Variants in NT5C2 observed in about 807,000 individuals in gnomAD.
The protein encoded by NT5C2 is 5'-nucleotidase, cytosolic II.
NT5C2 carries 58 observed loss-of-function variants against 76.1 expected under a neutral mutation model. The ratio of observed to expected loss-of-function variants is 0.76; its 90% CI spans 0.62 to 0.95. The LOEUF (loss-of-function observed/expected upper bound fraction) is 0.95, where lower values mean the gene tolerates loss of function less well. Among genes scored for constraint, NT5C2 ranks in the 40% least tolerant of loss-of-function variants. NT5C2 has a pLI of 0.00. For synonymous variants in NT5C2, 229 were observed against 237.4 expected (o/e 0.96, Z 0.32); for missense variants, 478 against 690.3 (o/e 0.69, Z 3.45).
chr10:103,118,548 T>A (rs187486892), intron 4 of NT5C2, among the ~76,000 whole-genome samples: 5 of 152,054 alleles, frequency 3.3e-5, no homozygotes, highest in African/African-American at 1.2e-4. Flanking sequence ...GAGATGCGGT[T>A]TTGTTATGTT....
chr10:103,192,160 T>C (rs977640679), intron 1 of NT5C2, among the ~76,000 whole-genome samples: 2 of 152,182 alleles, frequency 1.3e-5, no homozygotes, highest in Non-Finnish European at 2.9e-5. Context: ...ATTCTCCCTT[T>C]CACATTATGG....
intron 3 of NT5C2, among the ~76,000 whole-genome samples, chr10:103,148,076 A>G (rs547968268): frequency 2.0e-5 from 3 of 152,346 alleles, no homozygotes; most frequent in African/African-American, 4.8e-5. Flanking sequence ...AATGATATAA[A>G]AAGTATTATA....
At chr10:103,178,316 A>T (rs1196056562) in intron 2 of NT5C2, among the ~76,000 whole-genome samples, 2 of 150,774 alleles carry the variant, frequency 1.3e-5, no homozygotes, top group Non-Finnish European at 3.0e-5. Context: ...GGGAGGCCAA[A>T]GTGGGTGGAT....
rs553940039 is a variant in NT5C2, at chr10:103,136,681, T to C, written c.175+2725A>G. On this transcript the variant is annotated intron_variant, in intron 4 of 18. Transcript: ENST00000404739. The stretch of plus-strand genomic sequence containing the variant: ...ACTCTGTTGCCCAGGCTGGAGTGCA[T>C]TGGCACCATCTCAGCTCACTGCAAC... Among the ~76,000 whole-genome samples, 174 of 151,614 alleles carry C rather than the reference T, an allele frequency of 1.1e-3. 1 individual carries two copies. The South Asian group carries it at 0.022, about 19-fold the overall frequency.
At chr10:103,129,043 G>A (rs1459308417) in intron 4 of NT5C2, among the ~76,000 whole-genome samples, 2 of 115,046 alleles carry the variant, frequency 1.7e-5, no homozygotes, top group African/African-American at 6.5e-5. Context: ...CAGCCCCCCC[G>A]ACCGGCCAGC....
At chr10:103,192,578 C>T (rs2092718138) in intron 1 of NT5C2, among the ~76,000 whole-genome samples, 3 of 152,216 alleles carry the variant, frequency 2.0e-5, no homozygotes, top group Admixed American at 1.3e-4. Context: ...AGGAGCTGTC[C>T]GGATGTTTTT....
At chr10:103,163,295 C>A (rs889901060) in intron 3 of NT5C2, among the ~76,000 whole-genome samples, 1 of 152,148 alleles carries the variant, frequency 6.6e-6, no homozygotes, top group African/African-American at 2.4e-5. Context: ...GGGTAAATAT[C>A]TAGGAGTGGG....
intron 4 of NT5C2, among the ~76,000 whole-genome samples, chr10:103,124,131 C>A (rs984910031): frequency 6.6e-6 from 1 of 152,110 alleles, no homozygotes; most frequent in African/African-American, 2.4e-5. Flanking sequence ...TTAACTATTT[C>A]TTCCTTTCTT....
intron 4 of NT5C2, among the ~76,000 whole-genome samples, chr10:103,122,901 C>A (rs186069878): frequency 1.6e-4 from 24 of 152,296 alleles, no homozygotes; most frequent in Admixed American, 1.5e-3. Context: ...TTTATCAATC[C>A]TGTCATAGAA....
chr10:103,118,366 T>C (rs1479194097), intron 4 of NT5C2, among the ~76,000 whole-genome samples: 1 of 151,286 alleles, frequency 6.6e-6, no homozygotes, highest in African/African-American at 2.4e-5. Flanking sequence ...TTTTCCTTTT[T>C]TTTTTTTTTT....
chr10:103,142,803 T>C (rs912637817), intron 3 of NT5C2, among the ~76,000 whole-genome samples: 13 of 151,724 alleles, frequency 8.6e-5, no homozygotes, highest in Non-Finnish European at 1.3e-4. Context: ...GCCAACATGG[T>C]GAAACCCTGT....
chr10:103,099,058 G>A (rs946657994), intron 9 of NT5C2, 74 bp from the exon 10 acceptor site: 1 of 1,210,306 alleles, frequency 8.3e-7, no homozygotes, highest in Non-Finnish European at 1.2e-6. Context: ...AAGAAAAATG[G>A]TTTTTACTAA....
intron 3 of NT5C2, among the ~76,000 whole-genome samples, chr10:103,166,758 T>A (rs111329376): frequency 1.6e-4 from 24 of 152,150 alleles, no homozygotes; most frequent in Non-Finnish European, 2.2e-4. Flanking sequence ...GTTCAAGTGA[T>A]CTTCCTGCCC....
chr10:103,153,910 T>C (rs1039436036), intron 3 of NT5C2: 2 of 462,458 alleles, frequency 4.3e-6, no homozygotes, highest in African/African-American at 4.2e-5. Flanking sequence ...TATTTTTTTT[T>C]CTGACTTCAT....
intron 11 of NT5C2, 131 bp from the exon 12 acceptor site, chr10:103,096,111 A>C (rs1440691827): frequency 3.1e-6 from 2 of 637,642 alleles, no homozygotes; most frequent in Non-Finnish European, 5.4e-6. Context: ...GTTTCCTCTA[A>C]ATTTTATGAA....
intron 3 of NT5C2, among the ~76,000 whole-genome samples, chr10:103,170,526 CTTTTTTTT>C (rs71019664): frequency 1.8e-4 from 21 of 117,766 alleles, no homozygotes; most frequent in African/African-American, 6.0e-4. Context: ...CACATGCACA[CTTTTTTTT>C]TTTTTTTTTT....
intron 4 of NT5C2, chr10:103,111,769 G>C (rs2073097453): frequency 8.1e-7 from 1 of 1,231,966 alleles, no homozygotes; most frequent in South Asian, 4.1e-5. Context: ...GATGCAGTGT[G>C]TGTCACTCCA....
rs1047936997 is a variant in NT5C2 at position 103,088,296 on chromosome 10, C to T, written c.*1376G>A. ...TTGTTTAAAATGTTGAAACAACTTT[C>T]ACTGTACTGGTGAAACAGTTTTAAT... On this transcript the variant is annotated 3_prime_UTR_variant, in exon 19 of 19. Transcript: ENST00000404739. The T allele has an allele frequency of 2.0e-5, 3 of 152,212 alleles. No homozygotes were observed. The highest frequency in any genetic ancestry group is 7.2e-5 in the African/African-American group (3 of 41,456). The allele number at this position is 152,212 out of a possible 1,614,324, so 9.4% of individuals were successfully genotyped here.
intron 1 of NT5C2, among the ~76,000 whole-genome samples, chr10:103,183,007 C>A (rs1352077044): frequency 6.6e-6 from 1 of 151,970 alleles, no homozygotes; most frequent in Non-Finnish European, 1.5e-5. Context: ...AAGGGCCTCT[C>A]TGTAACATAG....
Sources: gnomAD v4.1 joint callset for allele counts (sites outside exome capture counted in the v4.1 genomes callset) on GRCh38, gnomAD v4.1.1 for gene constraint, MANE v1.5 for transcripts, NCBI Gene and HGNC (gene_info 2026-07-23, HGNC 2026-07-21) for gene names.